AGAP1: variants seen among roughly 807,000 people sequenced by gnomAD.
The protein encoded by AGAP1 is ArfGAP with GTPase domain, ankyrin repeat and PH domain 1, also known as arf-GAP with GTPase, ANK repeat and PH domain-containing protein 1.
Under a neutral mutation model 105.3 loss-of-function variants are expected in AGAP1, and 29 were observed. The ratio of observed to expected loss-of-function variants is 0.28; its 90% confidence interval spans 0.21 to 0.38. The LOEUF (loss-of-function observed/expected upper bound fraction) is 0.38, where lower values mean the gene tolerates loss of function less well. AGAP1 is among the 10% of genes least tolerant of loss of function. AGAP1 has a pLI of 1.00. For synonymous variants in AGAP1, 509 were observed against 485.9 expected, an observed-to-expected ratio of 1.05 and a Z score of -0.63; for missense variants, 998 against 1,165.1, an observed-to-expected ratio of 0.86 and a Z score of 2.09.
At position 236,022,416 on chromosome 2, in the gene AGAP1, GTTTATAATGATC is replaced by G. The variant is rs1265605426; in HGVS notation, c.1646-14141_1646-14130del. 4.6e-5 allele frequency among the ~76,000 whole-genome samples: 7 copies of G among 152,290 alleles called. No individual in the cohort carries two copies. The South Asian group carries it at 1.2e-3, about 27-fold the overall frequency. On this transcript the variant is annotated intron_variant, in intron 13 of 17. Coordinates refer to ENST00000304032, the MANE Select transcript of AGAP1 (RefSeq NM_001037131.3). ...TAGCTGAGAACCGTGAACTGCGTGT[GTTTATAATGATC>G]TTTTGTTTTTGTTTAAAATTAATAA...
rs1421598458 is a variant in AGAP1 at position 236,113,047 on chromosome 2, C to T, written c.2115-7145C>T. Among the ~76,000 whole-genome samples, 2 of 152,266 alleles carry T rather than the reference C, an allele frequency of 1.3e-5. No homozygotes were observed. Among genetic ancestry groups the T allele is most frequent in the African/African-American group, 4.8e-5 (2 of 41,468 alleles). ...TTGCAATAAAATCTACCTGTCTCTT[C>T]TTTCCTGCAGCCTTTCTTTTTTCCC... On this transcript the variant is annotated intron_variant, in intron 16 of 17. Transcript: ENST00000304032. The surrounding 1 kb of genome is among the most constrained non-coding windows in gnomAD (Gnocchi z 4.3).
intron 15 of AGAP1, among the ~76,000 whole-genome samples, chr2:236,043,503 G>A (rs540657712): frequency 6.6e-6 from 1 of 152,278 alleles, no homozygotes; most frequent in African/African-American, 2.4e-5. Flanking sequence ...AAGGTGGGCG[G>A]ATCACCTGAG....
intron 1 of AGAP1, among the ~76,000 whole-genome samples, chr2:235,576,767 G>A (rs1013789907): frequency 6.4e-4 from 97 of 152,352 alleles, no homozygotes; most frequent in African/African-American, 1.9e-3. Flanking sequence ...GCTCCTCATG[G>A]AGAGATGCCC....
At chr2:235,814,060 C>CTG (rs1958311401) in intron 9 of AGAP1, among the ~76,000 whole-genome samples, 1 of 152,204 alleles carries the variant, frequency 6.6e-6, no homozygotes, top group Non-Finnish European at 1.5e-5. Flanking sequence ...GCCCAGCCGC[C>CTG]TGTGTGTGTG....
chr2:235,922,369 C>T (rs987688654), intron 11 of AGAP1, among the ~76,000 whole-genome samples: 3 of 152,132 alleles, frequency 2.0e-5, no homozygotes, highest in Non-Finnish European at 2.9e-5. Flanking sequence ...GCTTTTTCCC[C>T]GCCCTCTTTC....
At chr2:235,913,229 ATTGT>A (rs1239489816) in intron 11 of AGAP1, among the ~76,000 whole-genome samples, 1 of 151,896 alleles carries the variant, frequency 6.6e-6, no homozygotes, top group Admixed American at 6.6e-5. Context: ...TTTTAATTTT[ATTGT>A]TTTTTTCCCT....
At chr2:236,100,147 C>A (rs909614611) in intron 16 of AGAP1, among the ~76,000 whole-genome samples, 2 of 152,188 alleles carry the variant, frequency 1.3e-5, no homozygotes, top group Non-Finnish European at 2.9e-5. Flanking sequence ...ATGCAGCCAG[C>A]GTTGGACTAG....
At chr2:235,870,525 C>G (rs191678962) in intron 9 of AGAP1, among the ~76,000 whole-genome samples, 1 of 152,146 alleles carries the variant, frequency 6.6e-6, no homozygotes, top group Non-Finnish European at 1.5e-5. Flanking sequence ...ACTTCGGAGG[C>G]TGAGGCAGGA....
intron 1 of AGAP1, among the ~76,000 whole-genome samples, chr2:235,698,358 G>A (rs140418465): frequency 8.5e-4 from 130 of 152,208 alleles, no homozygotes; most frequent in Non-Finnish European, 1.3e-3. Flanking sequence ...ACGTCCCTGC[G>A]GTTGGGGACC....
rs1484715644 is a variant in AGAP1, at chr2:235,692,065, A to G, written c.164-17114A>G. On this transcript the variant is annotated intron_variant, in intron 1 of 17. Coordinates refer to ENST00000304032, the MANE Select transcript of AGAP1 (RefSeq NM_001037131.3). The surrounding 1 kb of genome is among the most constrained non-coding windows in gnomAD (Gnocchi z 5.8). Reference sequence around the variant, plus strand: ...AAGTTTTCTCAAGAGGATGTAAACCAAGTAAACAAAATAAATTCAGACCCC... The same window carrying G: ...AAGTTTTCTCAAGAGGATGTAAACCGAGTAAACAAAATAAATTCAGACCCC... Among the ~76,000 whole-genome samples the G allele has an allele frequency of 6.6e-6, 1 of 152,242 alleles. No individual in the cohort carries two copies. The highest frequency in any genetic ancestry group is 1.5e-5 in the Non-Finnish European group (1 of 68,048).
At position 235,502,794 on chromosome 2, in the gene AGAP1, T is replaced by C. The variant is rs537770138; in HGVS notation, c.163+7945T>C. ...AATGTCCATGTTCACAAATGATTTA[T>C]GTTTGGTCTTGGAGAAATGTCAGCA... On this transcript the variant is annotated intron_variant, in intron 1 of 17. Transcript: ENST00000304032. 1.8e-4 allele frequency among the ~76,000 whole-genome samples: 27 copies of C among 151,786 alleles called. No individual in the cohort carries two copies. In the South Asian group the frequency reaches 4.0e-3, roughly 22 times the overall value.
chr2:235,833,314 G>T (rs1959681080), intron 9 of AGAP1, among the ~76,000 whole-genome samples: 1 of 152,208 alleles, frequency 6.6e-6, no homozygotes, highest in African/African-American at 2.4e-5. Flanking sequence ...GGACAGGGCA[G>T]GATTATTTTA....
chr2:235,783,430 G>T (rs1478384212), intron 6 of AGAP1: 2 of 469,676 alleles, frequency 4.3e-6, no homozygotes, highest in African/African-American at 4.0e-5. Flanking sequence ...CTTTGTGGTA[G>T]GACATCACCA....
chr2:236,019,122 A>G (rs1343376111), intron 13 of AGAP1, among the ~76,000 whole-genome samples: 1 of 151,962 alleles, frequency 6.6e-6, no homozygotes, highest in Non-Finnish European at 1.5e-5. Flanking sequence ...GAGACTTCCA[A>G]CTCATTCACA....
At chr2:236,117,425 G>C (rs2059796994) in intron 16 of AGAP1, among the ~76,000 whole-genome samples, 1 of 152,202 alleles carries the variant, frequency 6.6e-6, no homozygotes, top group African/African-American at 2.4e-5. Context: ...AATCACTCCA[G>C]CAGTTCCCGG....
rs573371390 is a variant in AGAP1, at chr2:236,014,224, C to G, written c.1646-22337C>G. ...GAGTGTCAAAGAGAATAGACTCCTC[C>G]CTCCAGGACAGCAGAATGGCACTAG... is the stretch of plus-strand genomic sequence containing the variant. On this transcript the variant is annotated intron_variant, in intron 13 of 17. Coordinates refer to ENST00000304032, the MANE Select transcript of AGAP1 (RefSeq NM_001037131.3). This position sits in a 1 kb window ranked among gnomAD's most constrained non-coding sequence, Gnocchi z 6.3. Among the ~76,000 whole-genome samples the G allele has an allele frequency of 2.0e-5, 3 of 152,278 alleles. No homozygotes were observed. The highest frequency in any genetic ancestry group is 7.2e-5 in the African/African-American group (3 of 41,552).
intron 1 of AGAP1, among the ~76,000 whole-genome samples, chr2:235,634,063 A>C (rs1299831305): frequency 6.6e-6 from 1 of 152,104 alleles, no homozygotes; most frequent in South Asian, 2.1e-4. Flanking sequence ...TTTTCTAAAG[A>C]TCTTGGGTGG....
At position 236,009,566 on chromosome 2, in the gene AGAP1, T is replaced by C. The variant is rs1242600035; in HGVS notation, c.1646-26995T>C. The stretch of plus-strand genomic sequence containing the variant: ...TCTGACAAGGTGATCATTTGACTTT[T>C]CTTAGAGGTACAAATTTACGCTCCC... On this transcript the variant is annotated intron_variant, in intron 13 of 17. Coordinates refer to ENST00000304032, the MANE Select transcript of AGAP1 (RefSeq NM_001037131.3). This position sits in a 1 kb window ranked among gnomAD's most constrained non-coding sequence, Gnocchi z 4.2. Among the ~76,000 whole-genome samples, 1 of 152,230 alleles carries C rather than the reference T, an allele frequency of 6.6e-6. No homozygotes were observed. Among genetic ancestry groups the C allele is most frequent in the Non-Finnish European group, 1.5e-5 (1 of 68,040 alleles).
intron 16 of AGAP1, among the ~76,000 whole-genome samples, chr2:236,116,329 GT>G (rs1426309161): frequency 1.4e-5 from 2 of 146,022 alleles, no homozygotes; most frequent in African/African-American, 5.0e-5. Flanking sequence ...AGTTATTGGG[GT>G]ACAGGTGGTA....
Sources: gnomAD v4.1 joint callset for allele counts (sites outside exome capture counted in the v4.1 genomes callset) on GRCh38, gnomAD v4.1.1 for gene constraint, Gnocchi (gnomAD v3.1) non-coding constraint, MANE v1.5 for transcripts, NCBI Gene and HGNC (gene_info 2026-07-23, HGNC 2026-07-21) for gene names.